ASTN2: variants seen among roughly 807,000 people sequenced by gnomAD.
The protein encoded by ASTN2 is astrotactin-2.
A neutral mutation model predicts 139.8 loss-of-function variants in ASTN2; 54 were observed. The observed-to-expected ratio is 0.39, with a 90% confidence interval of 0.31 to 0.48. ASTN2 has a LOEUF of 0.48. Ranked by LOEUF, ASTN2 falls within the 20% of genes least tolerant of loss-of-function variation. The pLI is 0.95. For synonymous variants in ASTN2, 756 were observed against 719.5 expected, an observed-to-expected ratio of 1.05 and a Z score of -0.81; for missense variants, 1,565 against 1,725.1, an observed-to-expected ratio of 0.91 and a Z score of 1.64.
At chr9:117,153,790 C>T (rs17309781) in intron 3 of ASTN2, among the ~76,000 whole-genome samples, 7,713 of 152,090 alleles carry the variant, frequency 0.051, 252 homozygotes, top group Non-Finnish European at 0.072. Context: ...TAGAGGTATC[C>T]CTCGTCAGTG....
At chr9:117,052,433 TTAAAAAA>T (rs1838940042) in intron 5 of ASTN2, among the ~76,000 whole-genome samples, 2 of 125,238 alleles carry the variant, frequency 1.6e-5, no homozygotes, top group African/African-American at 6.1e-5. Context: ...AGACTCCATC[TTAAAAAA>T]AAAAAAAAAA....
chr9:117,231,954 A>T (rs879842294), intron 2 of ASTN2, among the ~76,000 whole-genome samples: 1 of 152,126 alleles, frequency 6.6e-6, no homozygotes, highest in Non-Finnish European at 1.5e-5. Context: ...TCCTTTTCTC[A>T]TCATTGCTTT....
intron 5 of ASTN2, among the ~76,000 whole-genome samples, chr9:117,071,885 C>T (rs938809890): frequency 9.2e-5 from 14 of 152,162 alleles, no homozygotes; most frequent in Non-Finnish European, 1.5e-5. Flanking sequence ...ACCGTGCGCG[C>T]ACCCACTGGC....
rs557770821 is a variant in ASTN2, at chr9:116,881,061, G to GA, written c.1890-17329dup. On this transcript the variant is annotated intron_variant, in intron 10 of 22. Transcript: ENST00000313400. ...AAGAAAGATGAGAACATGAGGAGGA[G>GA]AAAAGGAAGAAAATAGAAAGACAGG... Among the ~76,000 whole-genome samples, 17 of 152,258 alleles carry GA rather than the reference G, an allele frequency of 1.1e-4. No individual in the cohort carries two copies. In the East Asian group the frequency reaches 3.3e-3, roughly 29 times the overall value.
chr9:117,181,491 T>C (rs1319428885), intron 3 of ASTN2, among the ~76,000 whole-genome samples: 1 of 152,214 alleles, frequency 6.6e-6, no homozygotes, highest in Non-Finnish European at 1.5e-5. Context: ...ATTCTGTACA[T>C]GGAGTGTGCA....
intron 17 of ASTN2, among the ~76,000 whole-genome samples, chr9:116,629,147 T>C (rs1293474869): frequency 7.3e-6 from 1 of 137,896 alleles, no homozygotes; most frequent in Non-Finnish European, 1.5e-5. Flanking sequence ...AGACGGAGTC[T>C]CGCTCTGTTG....
At chr9:117,286,758 A>G (rs928312872) in intron 2 of ASTN2, among the ~76,000 whole-genome samples, 1 of 152,206 alleles carries the variant, frequency 6.6e-6, no homozygotes, top group African/African-American at 2.4e-5. Context: ...TCCCTAACTG[A>G]CAAGTTTCCA....
At chr9:116,956,960 T>A (rs7034399) in intron 10 of ASTN2, among the ~76,000 whole-genome samples, 145,260 of 152,234 alleles carry the variant, frequency 0.95, 69,671 homozygotes, top group East Asian at 1. Context: ...TCCTATGTTC[T>A]TGGGTTGAAA....
At chr9:116,943,345 C>T (rs1376657778) in intron 10 of ASTN2, among the ~76,000 whole-genome samples, 1 of 152,192 alleles carries the variant, frequency 6.6e-6, no homozygotes, top group Non-Finnish European at 1.5e-5. Context: ...CTCATTCCTA[C>T]TGCTAGCACC....
chr9:116,603,493 G>A (rs1409050027), intron 19 of ASTN2, among the ~76,000 whole-genome samples: 1 of 152,286 alleles, frequency 6.6e-6, no homozygotes, highest in South Asian at 2.1e-4. Flanking sequence ...TGGATTGTTG[G>A]ACAGAAAATC....
At chr9:116,903,959 T>C (rs1352539589) in intron 10 of ASTN2, among the ~76,000 whole-genome samples, 1 of 152,202 alleles carries the variant, frequency 6.6e-6, no homozygotes, top group African/African-American at 2.4e-5. Context: ...TTTTGGGCTT[T>C]CCAATGCCTG....
At chr9:117,022,025 T>C (rs1837900019) in intron 6 of ASTN2, among the ~76,000 whole-genome samples, 2 of 152,166 alleles carry the variant, frequency 1.3e-5, no homozygotes, top group African/African-American at 4.8e-5. Flanking sequence ...GCTTTGGATA[T>C]AGCAGTGTAA....
intron 13 of ASTN2, among the ~76,000 whole-genome samples, chr9:116,801,585 CAAAAAAAAAAAAAAAA>C (rs397893932): frequency 1.2e-3 from 71 of 60,374 alleles, no homozygotes; most frequent in African/African-American, 4.3e-3. Flanking sequence ...GGCTCTGTCT[CAAAAAAAAAAAAAAAA>C]AAAAAAAAAA....
chr9:116,969,723 C>A (rs1448639306), intron 10 of ASTN2, among the ~76,000 whole-genome samples: 1 of 152,132 alleles, frequency 6.6e-6, no homozygotes, highest in Non-Finnish European at 1.5e-5. Flanking sequence ...AGTAGGTGAT[C>A]CATTCCTTGT....
At chr9:116,804,529 C>A (rs1830980332) in intron 13 of ASTN2, among the ~76,000 whole-genome samples, 1 of 152,052 alleles carries the variant, frequency 6.6e-6, no homozygotes, top group African/African-American at 2.4e-5. Flanking sequence ...AGTTAATAGA[C>A]AAAAAATACT....
chr9:116,771,780 AGC>A (rs1829959244), intron 13 of ASTN2, among the ~76,000 whole-genome samples: 2 of 152,364 alleles, frequency 1.3e-5, no homozygotes, highest in Middle Eastern at 3.4e-3. Flanking sequence ...CCAGGCTCTC[AGC>A]AGTCCATGGA....
At chr9:117,378,677 T>C (rs1830187753) in intron 1 of ASTN2, among the ~76,000 whole-genome samples, 1 of 152,212 alleles carries the variant, frequency 6.6e-6, no homozygotes, top group Non-Finnish European at 1.5e-5. Flanking sequence ...AGGCAGTGTT[T>C]AAGAACCTCT....
At chr9:117,227,491 GATGA>G (rs1203359625) in intron 2 of ASTN2, among the ~76,000 whole-genome samples, 1 of 152,132 alleles carries the variant, frequency 6.6e-6, no homozygotes, top group Non-Finnish European at 1.5e-5. Flanking sequence ...TGGATGGATG[GATGA>G]ATGGATTACT....
chr9:116,810,556 A>C (rs754979857), intron 12 of ASTN2, among the ~76,000 whole-genome samples: 1 of 152,204 alleles, frequency 6.6e-6, no homozygotes, highest in Non-Finnish European at 1.5e-5. Flanking sequence ...TGTTTTCTAC[A>C]TAGTTATTAC....
Sources: allele counts gnomAD v4.1 joint callset (sites outside exome capture counted in the v4.1 genomes callset), GRCh38; gene constraint gnomAD v4.1.1; transcripts MANE v1.5; gene names NCBI Gene and HGNC (gene_info 2026-07-23, HGNC 2026-07-21).